Variants in RAMP3 observed in about 807,000 individuals in gnomAD.
RAMP3 encodes the protein receptor activity-modifying protein 3.
In RAMP3, 14 loss-of-function variants were observed where a neutral mutation model predicts 13.5. The observed-to-expected ratio is 1.04, with a 90% CI of 0.69 to 1.63. The LOEUF (loss-of-function observed/expected upper bound fraction) is 1.63. Among genes scored for constraint, RAMP3 ranks in the 40% most tolerant of loss-of-function variants. RAMP3 has a pLI of 0.00. For synonymous variants in RAMP3, 106 were observed against 88.3 expected (o/e 1.20, Z -1.12); for missense variants, 200 against 204.8 (o/e 0.98, Z 0.14).
rs11982925 is a variant in RAMP3 at position 45,184,145 on chromosome 7, G to A, written c.*733G>A. 1,147 of 398,904 alleles carry A rather than the reference G, an allele frequency of 2.9e-3. 12 individuals are homozygous for A. Among genetic ancestry groups the A allele is most frequent in the African/African-American group, 0.022 (1,052 of 48,764 alleles). The allele number at this position is 398,904 out of a possible 1,614,324, so 24.7% of individuals were successfully genotyped here. On this transcript the variant is annotated 3_prime_UTR_variant, in exon 3 of 3. Coordinates refer to ENST00000242249, the MANE Select transcript of RAMP3 (RefSeq NM_005856.3). ...GGGCCTGGGCCTCCTTCCTACAGGG[G>A]CTCCTCTGTGGGTGAGGGGCCCTCT...
At position 45,175,368 on chromosome 7, in the gene RAMP3, A is replaced by G. The variant is rs111856065; in HGVS notation, c.59-1941A>G. 1.3e-4 allele frequency among the ~76,000 whole-genome samples: 20 copies of G among 152,242 alleles called. 1 individual carries two copies. Among genetic ancestry groups the G allele is most frequent in the African/African-American group, 4.3e-4 (18 of 41,536 alleles). ...CTGAGCCACAGCCTGTGTGCTTCCC[A>G]TCTCCAGGGTTCTCTGGGGCCTCAA... On this transcript the variant is annotated intron_variant, in intron 1 of 2. Coordinates refer to ENST00000242249, the MANE Select transcript of RAMP3 (RefSeq NM_005856.3).
chr7:45,158,710 C>T (rs192521103), intron 1 of RAMP3, among the ~76,000 whole-genome samples: 6 of 152,248 alleles, frequency 3.9e-5, no homozygotes, highest in African/African-American at 1.4e-4. Flanking sequence ...TGGTGGTCCC[C>T]AGTTTCCCTG....
Position 45,171,495 on chromosome 7 carries a change from G to A in RAMP3, c.59-5814G>A, listed in dbSNP as rs1049778682. ...TAATTTTATTCCATTGTGGTCAGAG[G>A]ACATTTATATAATCCTTTAAAATCT... On this transcript the variant is annotated intron_variant, in intron 1 of 2. Coordinates refer to ENST00000242249, the MANE Select transcript of RAMP3 (RefSeq NM_005856.3). Among the ~76,000 whole-genome samples, 10 of 152,106 alleles carry A rather than the reference G, an allele frequency of 6.6e-5. No individual in the cohort carries two copies. In the South Asian group the frequency reaches 1.9e-3, roughly 28 times the overall value.
intron 2 of RAMP3, among the ~76,000 whole-genome samples, chr7:45,180,115 G>C (rs1786274012): frequency 6.6e-6 from 1 of 152,252 alleles, no homozygotes; most frequent in African/African-American, 2.4e-5. Flanking sequence ...TCAAGCTCTG[G>C]CGGCTGTGCG....
chr7:45,173,227 G>A (rs1382850016), intron 1 of RAMP3, among the ~76,000 whole-genome samples: 2 of 152,186 alleles, frequency 1.3e-5, no homozygotes, highest in Non-Finnish European at 2.9e-5. Flanking sequence ...TTTTATCCAG[G>A]CTTTCAGTTG....
At chr7:45,160,722 C>G (rs991545038) in intron 1 of RAMP3, among the ~76,000 whole-genome samples, 2 of 152,220 alleles carry the variant, frequency 1.3e-5, no homozygotes, top group Non-Finnish European at 2.9e-5. Context: ...TCAGTGGCGT[C>G]TGGAAGTCCC....
At chr7:45,169,737 T>A (rs55887322) in intron 1 of RAMP3, among the ~76,000 whole-genome samples, 39,907 of 152,080 alleles carry the variant, frequency 0.26, 6,361 homozygotes, top group African/African-American at 0.44. Context: ...TCTGTGTGTG[T>A]CTTTCTCTGT....
chr7:45,171,721 C>T (rs973174360), intron 1 of RAMP3, among the ~76,000 whole-genome samples: 6 of 152,202 alleles, frequency 3.9e-5, no homozygotes, highest in African/African-American at 1.4e-4. Context: ...ATCCTTCCAC[C>T]TCAGCCTCCC....
At chr7:45,172,061 T>C (rs1786093747) in intron 1 of RAMP3, among the ~76,000 whole-genome samples, 1 of 145,976 alleles carries the variant, frequency 6.9e-6, no homozygotes. Flanking sequence ...GGTGGGGTGG[T>C]TGGGGCCCCA....
chr7:45,182,205 C>T (rs1294923), intron 2 of RAMP3, among the ~76,000 whole-genome samples: 63,120 of 151,982 alleles, frequency 0.42, 14,196 homozygotes, highest in Admixed American at 0.51. Context: ...GAGGCAGGAC[C>T]CTTCACACTC....
chr7:45,163,178 C>A (rs1165164482), intron 1 of RAMP3: 1 of 985,270 alleles, frequency 1.0e-6, no homozygotes, highest in Non-Finnish European at 1.2e-6. Context: ...CCTGGGTGAG[C>A]CTATTGTGCA....
chr7:45,178,680 G>A (rs1786242046), intron 2 of RAMP3, among the ~76,000 whole-genome samples: 1 of 152,246 alleles, frequency 6.6e-6, no homozygotes, highest in Non-Finnish European at 1.5e-5. Context: ...CTGGACACAG[G>A]CCTGGAATGG....
intron 1 of RAMP3, among the ~76,000 whole-genome samples, chr7:45,172,583 C>A (rs1433354763): frequency 6.6e-6 from 1 of 152,218 alleles, no homozygotes; most frequent in Non-Finnish European, 1.5e-5. Flanking sequence ...TCAAGCGATT[C>A]TCATACCTCA....
intron 2 of RAMP3, among the ~76,000 whole-genome samples, 199 bp downstream of exon 2, chr7:45,177,640 C>T (rs530992145): frequency 2.0e-5 from 3 of 152,292 alleles, no homozygotes; most frequent in Admixed American, 6.5e-5. Flanking sequence ...CCTATTCACA[C>T]TCTGCTCTTG....
chr7:45,171,174 G>A (rs117408932), intron 1 of RAMP3, among the ~76,000 whole-genome samples: 2 of 137,558 alleles, frequency 1.5e-5, no homozygotes, highest in East Asian at 2.0e-4. Flanking sequence ...TTTTTTTTTC[G>A]AGACAGAGTT....
At position 45,183,594 on chromosome 7, in the gene RAMP3, G is replaced by C. The variant is rs1167765552; in HGVS notation, c.*182G>C. On this transcript the variant is annotated 3_prime_UTR_variant, in exon 3 of 3. Coordinates refer to ENST00000242249, the MANE Select transcript of RAMP3 (RefSeq NM_005856.3). ...CGAGGCCAGCCTGCTCCCTGGCTGA[G>C]GCTCAGGCTATCCGCCCAAGCTCTT... The C allele has an allele frequency of 1.2e-6, 1 of 826,438 alleles. No homozygotes were observed. The highest frequency in any genetic ancestry group is 1.9e-6 in the Non-Finnish European group (1 of 534,786). The allele number at this position is 826,438 out of a possible 1,614,324, so 51.2% of individuals were successfully genotyped here.
In RAMP3 at chr7:45,172,221, C is replaced by T. The variant is rs564315259; in HGVS notation, c.59-5088C>T. ...GCTGGGAGGGACATGCCTGCTTGTC[C>T]CAGGGTGAAACTGTAGCCCAGGACT... On this transcript the variant is annotated intron_variant, in intron 1 of 2. Transcript: ENST00000242249. 1.6e-4 allele frequency among the ~76,000 whole-genome samples: 25 copies of T among 152,306 alleles called. No individual in the cohort carries two copies. The South Asian group carries it at 5.2e-3, about 32-fold the overall frequency.
intron 1 of RAMP3, among the ~76,000 whole-genome samples, chr7:45,173,625 G>C (rs1271616559): frequency 1.3e-5 from 2 of 152,162 alleles, no homozygotes. Context: ...CCAGTGCCCA[G>C]TGAGCCCTGA....
intron 1 of RAMP3, among the ~76,000 whole-genome samples, chr7:45,169,870 G>A (rs1294113687): frequency 6.6e-6 from 1 of 152,218 alleles, no homozygotes; most frequent in East Asian, 1.9e-4. Flanking sequence ...CAGAATCTGA[G>A]GTGTACTAGG....
Sources: allele counts gnomAD v4.1 joint callset (sites outside exome capture counted in the v4.1 genomes callset), GRCh38; gene constraint gnomAD v4.1.1; transcripts MANE v1.5; gene names NCBI Gene and HGNC (gene_info 2026-07-23, HGNC 2026-07-21).